The following PHF24 variants were observed in gnomAD, a reference collection of about 807,000 sequenced individuals.
The protein encoded by PHF24 is PHD finger protein 24.
In PHF24, 25 loss-of-function variants were observed where a neutral mutation model predicts 42.6. The ratio of observed to expected loss-of-function variants is 0.59; its 90% CI spans 0.43 to 0.82. The LOEUF (loss-of-function observed/expected upper bound fraction) is 0.82. Ranked by LOEUF, PHF24 falls within the 40% of genes least tolerant of loss-of-function variation. The pLI is 0.00. For synonymous variants in PHF24, 185 were observed against 204.8 expected (o/e 0.90, Z 0.83); for missense variants, 470 against 538.1 (o/e 0.87, Z 1.25).
chr9:34,931,257 T>A, the PHF24 span, among the ~76,000 whole-genome samples: 2 of 150,962 alleles, frequency 1.3e-5, no homozygotes, highest in Admixed American at 1.3e-4. Flanking sequence ...GCTCCTGTAG[T>A]CCCAGCTACT....
At chr9:34,807,968 CAT>C in the PHF24 span, among the ~76,000 whole-genome samples, 1 of 152,118 alleles carries the variant, frequency 6.6e-6, no homozygotes, top group Non-Finnish European at 1.5e-5. Flanking sequence ...CATTACACTT[CAT>C]ATGAGTCCAT....
the PHF24 span, among the ~76,000 whole-genome samples, chr9:34,727,322 A>G: frequency 6.6e-6 from 1 of 152,262 alleles, no homozygotes; most frequent in Non-Finnish European, 1.5e-5. Flanking sequence ...CTGATGGGGC[A>G]TCACCAGGAA....
the PHF24 span, among the ~76,000 whole-genome samples, chr9:34,693,287 G>C: frequency 6.6e-6 from 1 of 152,146 alleles, no homozygotes; most frequent in Non-Finnish European, 1.5e-5. Context: ...ATTACTTAGG[G>C]TCACCTGCTT....
At chr9:34,759,967 T>C in the PHF24 span, among the ~76,000 whole-genome samples, 1 of 152,128 alleles carries the variant, frequency 6.6e-6, no homozygotes, top group Non-Finnish European at 1.5e-5. Flanking sequence ...GACAGGACAG[T>C]GGGATCAGTG....
chr9:34,724,460 T>C, the PHF24 span: 29 of 1,551,540 alleles, frequency 1.9e-5, no homozygotes, highest in East Asian at 6.6e-4. Flanking sequence ...AAGAGACTTC[T>C]GTGTGGATAT....
the PHF24 span, among the ~76,000 whole-genome samples, chr9:34,913,317 A>G: frequency 6.6e-6 from 1 of 152,312 alleles, no homozygotes; most frequent in East Asian, 1.9e-4. Context: ...GTAAAGTTAT[A>G]AATTTACAGA....
At chr9:34,689,789 G>A in the PHF24 span, 8 of 1,613,750 alleles carry the variant, frequency 5.0e-6, no homozygotes, top group African/African-American at 1.1e-4. The surrounding 1 kb of genome is among the most constrained non-coding windows in gnomAD (Gnocchi z 4.1). Context: ...GCTTGACTCG[G>A]ACTCCGGGCT....
chr9:34,712,980 A>G, the PHF24 span, among the ~76,000 whole-genome samples: 3 of 151,876 alleles, frequency 2.0e-5, no homozygotes, highest in Non-Finnish European at 2.9e-5. Flanking sequence ...ATACTTTCCT[A>G]TTTCTTTGTA....
the PHF24 span, among the ~76,000 whole-genome samples, chr9:34,891,338 C>T: frequency 6.6e-6 from 1 of 152,222 alleles, no homozygotes; most frequent in Non-Finnish European, 1.5e-5. Flanking sequence ...GTAGTCCCAA[C>T]AATGGCAGAT....
exon 2 of PHF24, chr9:34,971,334 G>A (rs776719281): frequency 6.2e-7 from 1 of 1,611,590 alleles, no homozygotes; most frequent in Non-Finnish European, 8.5e-7. Context: ...AGACAGTGGA[G>A]CAGGTGCAGA....
chr9:34,883,368 T>G, the PHF24 span, among the ~76,000 whole-genome samples: 29,258 of 151,966 alleles, frequency 0.19, 3,021 homozygotes, highest in South Asian at 0.29. Flanking sequence ...ACAAATGGGA[T>G]CTAATTAAAC....
At chr9:34,708,198 A>G in the PHF24 span, among the ~76,000 whole-genome samples, 1 of 152,120 alleles carries the variant, frequency 6.6e-6, no homozygotes, top group Non-Finnish European at 1.5e-5. Context: ...GAGGCCTTCC[A>G]GGAGAGGAGA....
the PHF24 span, among the ~76,000 whole-genome samples, chr9:34,818,680 C>T: frequency 2.0e-5 from 3 of 152,160 alleles, no homozygotes; most frequent in African/African-American, 7.2e-5. Flanking sequence ...CTCACTTTGC[C>T]CAGGCACACT....
chr9:34,922,997 G>A, the PHF24 span: 2 of 843,192 alleles, frequency 2.4e-6, no homozygotes, highest in Non-Finnish European at 3.5e-6. Flanking sequence ...GTGCTGCTGG[G>A]CCGGGCCTGG....
At chr9:34,911,457 C>G in the PHF24 span, among the ~76,000 whole-genome samples, 2 of 151,930 alleles carry the variant, frequency 1.3e-5, no homozygotes, top group South Asian at 2.1e-4. Context: ...GTTTCACCAT[C>G]TTGGCCGGCC....
At chr9:34,711,977 C>A in the PHF24 span, among the ~76,000 whole-genome samples, 1 of 152,056 alleles carries the variant, frequency 6.6e-6, no homozygotes, top group East Asian at 1.9e-4. Flanking sequence ...TTCTTTCTCC[C>A]GTTAGCTTTT....
the PHF24 span, among the ~76,000 whole-genome samples, chr9:34,880,406 A>G: frequency 6.6e-6 from 1 of 152,206 alleles, no homozygotes; most frequent in Non-Finnish European, 1.5e-5. Flanking sequence ...AAAGACACAG[A>G]CTGGCAAATT....
At chr9:34,978,297 GCCAC>G in exon 8 of PHF24, 2 of 554,148 alleles carry the variant, frequency 3.6e-6, no homozygotes, top group Non-Finnish European at 6.5e-6. Flanking sequence ...TGAATGCATT[GCCAC>G]AAGGAGAAGC....
chr9:34,956,102 C>T (rs1458475160), upstream of PHF24, among the ~76,000 whole-genome samples: 1 of 152,142 alleles, frequency 6.6e-6, no homozygotes, highest in Non-Finnish European at 1.5e-5. Context: ...TCCTCTATTG[C>T]GCACACTGAT....
Sources: allele counts gnomAD v4.1 joint callset (sites outside exome capture counted in the v4.1 genomes callset), GRCh38; gene constraint gnomAD v4.1.1; non-coding constraint Gnocchi (gnomAD v3.1); transcripts MANE v1.5; gene names NCBI Gene and HGNC (gene_info 2026-07-23, HGNC 2026-07-21).